Variants in MLIP observed in about 807,000 individuals in gnomAD.
MLIP encodes muscular LMNA-interacting protein.
A neutral mutation model predicts 84.8 loss-of-function variants in MLIP; 79 were observed. The observed-to-expected ratio is 0.93, with a 90% CI of 0.78 to 1.12. The LOEUF is 1.12. Ranked by LOEUF, MLIP falls within the 50% of genes most tolerant of loss-of-function variation. MLIP has a pLI of 0.00. For synonymous variants in MLIP, 504 were observed against 463.0 expected, an observed-to-expected ratio of 1.09 and a Z score of -1.14; for missense variants, 1,257 against 1,160.6, an observed-to-expected ratio of 1.08 and a Z score of -1.21.
intron 12 of MLIP, among the ~76,000 whole-genome samples, chr6:54,237,456 T>C (rs575581657): frequency 4.9e-4 from 75 of 152,286 alleles, no homozygotes; most frequent in African/African-American, 1.8e-3. Context: ...GCTCAATGAC[T>C]TATATTGTAT....
intron 2 of MLIP, among the ~76,000 whole-genome samples, chr6:54,123,645 ACTCT>A (rs759748863): frequency 6.6e-6 from 1 of 152,202 alleles, no homozygotes; most frequent in African/African-American, 2.4e-5. Context: ...TAGTGGCATA[ACTCT>A]CTATTTTGAA....
rs75979560 is a variant in MLIP, at chr6:54,198,894, G to A, written c.2590-3211G>A. Among the ~76,000 whole-genome samples, 586 of 74,792 alleles carry A rather than the reference G, an allele frequency of 7.8e-3. 2 individuals are homozygous for A. The highest frequency in any genetic ancestry group is 0.017 in the African/African-American group (553 of 32,884). The allele number at this position is 74,792 out of a possible 152,430, so 49.1% of individuals were successfully genotyped here. A position where few individuals can be genotyped will look rare whatever the true frequency, so the allele number is the denominator to read the frequency against. ...TGTGTGTGTCTGTGTGTGTGTGTGT[G>A]TATATGTGTGTGTGTGTTTGTGTGT... On this transcript the variant is annotated intron_variant, in intron 10 of 13. Coordinates refer to ENST00000502396, the MANE Select transcript of MLIP (RefSeq NM_001281747.2).
chr6:54,137,301 C>G lies in MLIP; in HGVS notation c.1232C>G (p.Pro411Arg). 6.5e-7 allele frequency: 1 copy of G among 1,535,930 alleles called. No individual in the cohort carries two copies. The highest frequency in any genetic ancestry group is 2.4e-5 in the East Asian group (1 of 40,908). The part of the protein sequence containing the change: ...LSKSGVKSPV[P>R]SRLALLTAIL... Reference sequence around the variant, plus strand: ...AAGTCAGGGGTAAAATCCCCGGTGCCTTCCCGGCTTGCCCTTCTCACTGCC... The same window carrying G: ...AAGTCAGGGGTAAAATCCCCGGTGCGTTCCCGGCTTGCCCTTCTCACTGCC... The change falls in exon 4 of 14, where the codon CCT becomes CGT. Residue 411 changes from proline (P) to arginine (R), a missense_variant. Coordinates refer to ENST00000502396, the MANE Select transcript of MLIP (RefSeq NM_001281747.2).
intron 11 of MLIP, chr6:54,217,770 A>G: frequency 1.0e-6 from 1 of 985,194 alleles, no homozygotes; most frequent in Non-Finnish European, 1.2e-6. Flanking sequence ...TATCTCATTG[A>G]TAGAAACATG....
chr6:54,162,620 A>C (rs1459013058), intron 8 of MLIP, among the ~76,000 whole-genome samples: 1 of 151,936 alleles, frequency 6.6e-6, no homozygotes, highest in Non-Finnish European at 1.5e-5. Context: ...TGACGGTTTG[A>C]GGCTTGCCAA....
intron 5 of MLIP, among the ~76,000 whole-genome samples, chr6:54,157,887 G>C (rs1237910199): frequency 6.6e-6 from 1 of 152,068 alleles, no homozygotes; most frequent in Non-Finnish European, 1.5e-5. Context: ...AAGCAATATT[G>C]AATGTTTTTA....
chr6:54,236,394 A>G (rs1369947272), intron 12 of MLIP, among the ~76,000 whole-genome samples: 1 of 152,204 alleles, frequency 6.6e-6, no homozygotes, highest in Admixed American at 6.5e-5. Flanking sequence ...TGAGGTCAGG[A>G]GTTGGAGACC....
chr6:54,233,056 G>T (rs1298184955), intron 12 of MLIP, among the ~76,000 whole-genome samples: 1 of 152,106 alleles, frequency 6.6e-6, no homozygotes, highest in Non-Finnish European at 1.5e-5. Context: ...TTATAACTGG[G>T]TGCATCATAT....
intron 12 of MLIP, among the ~76,000 whole-genome samples, chr6:54,253,554 G>T (rs776680832): frequency 6.6e-6 from 1 of 152,092 alleles, no homozygotes; most frequent in Non-Finnish European, 1.5e-5. Flanking sequence ...CATGTCTTGT[G>T]TACATTAAAG....
At chr6:54,123,217 G>A (rs968353291) in intron 2 of MLIP, among the ~76,000 whole-genome samples, 78 of 149,596 alleles carry the variant, frequency 5.2e-4, no homozygotes, top group African/African-American at 1.8e-3. Flanking sequence ...TTACAGGCTT[G>A]AGCCACCGCG....
At chr6:54,160,877 C>A in intron 8 of MLIP, 78 bp downstream of exon 8, 6 of 1,184,472 alleles carry the variant, frequency 5.1e-6, no homozygotes, top group Non-Finnish European at 6.1e-6. Flanking sequence ...AGTCAAGGTC[C>A]AATAGTGAAT....
chr6:54,236,089 T>C (rs1781341674), intron 12 of MLIP, among the ~76,000 whole-genome samples: 1 of 152,210 alleles, frequency 6.6e-6, no homozygotes, highest in Admixed American at 6.5e-5. Context: ...GTTCTGTTCA[T>C]GTCCCCTTTG....
At chr6:54,150,917 C>T (rs1430792194) in intron 5 of MLIP, among the ~76,000 whole-genome samples, 1 of 152,060 alleles carries the variant, frequency 6.6e-6, no homozygotes, top group Non-Finnish European at 1.5e-5. Flanking sequence ...TGTATTTAGC[C>T]TATTATACAA....
At chr6:54,147,670 C>T (rs1020625297) in intron 4 of MLIP, among the ~76,000 whole-genome samples, 5 of 152,040 alleles carry the variant, frequency 3.3e-5, no homozygotes, top group Non-Finnish European at 1.5e-5. Context: ...CTCTTGTGCA[C>T]GTTTTGCTGA....
At chr6:54,232,521 T>C (rs1041221805) in intron 12 of MLIP, among the ~76,000 whole-genome samples, 84 of 152,256 alleles carry the variant, frequency 5.5e-4, no homozygotes, top group African/African-American at 2.0e-3. Context: ...AAAATAATAA[T>C]AGTAATAATA....
intron 4 of MLIP, among the ~76,000 whole-genome samples, chr6:54,140,479 T>A (rs1772196483): frequency 6.6e-6 from 1 of 152,182 alleles, no homozygotes; most frequent in Admixed American, 6.5e-5. Flanking sequence ...AAAATAAGAA[T>A]GATTATAATT....
intron 4 of MLIP, among the ~76,000 whole-genome samples, chr6:54,142,921 A>AAC (rs1561977352): frequency 2.0e-5 from 3 of 151,790 alleles, no homozygotes; most frequent in Admixed American, 6.6e-5. Flanking sequence ...ACAACAACAA[A>AAC]AAAAAAACGC....
chr6:54,261,571 T>C (rs1783394843), intron 13 of MLIP: 1 of 984,740 alleles, frequency 1.0e-6, no homozygotes, highest in Non-Finnish European at 1.2e-6. Flanking sequence ...GCAAGGTGAC[T>C]ATGACTGATT....
chr6:54,257,378 A>G lies in MLIP; in HGVS notation c.2976+17A>G. On this transcript the variant is annotated intron_variant, in intron 13 of 13. Coordinates refer to ENST00000502396, the MANE Select transcript of MLIP (RefSeq NM_001281747.2). ...TCCAAAGAGGTAAATGTAAGATAGG[A>G]CTGGATATCTAATTATCCATTTCTG... is the stretch of plus-strand genomic sequence containing the variant. The G allele has an allele frequency of 1.3e-6, 2 of 1,564,584 alleles. No homozygotes were observed. Among genetic ancestry groups the G allele is most frequent in the Admixed American group, 1.7e-5 (1 of 59,190 alleles).
Sources: gnomAD v4.1 joint callset for allele counts (sites outside exome capture counted in the v4.1 genomes callset) on GRCh38, gnomAD v4.1.1 for gene constraint, MANE v1.5 for transcripts, NCBI Gene and HGNC (gene_info 2026-07-23, HGNC 2026-07-21) for gene names.